Variants in TBK1 observed in about 807,000 individuals in gnomAD.
TBK1 encodes the protein serine/threonine-protein kinase TBK1.
TBK1 carries 37 observed loss-of-function variants against 99.9 expected under a neutral mutation model. The observed-to-expected ratio is 0.37, with a 90% CI of 0.28 to 0.49. TBK1 has a LOEUF of 0.49. Among genes scored for constraint, TBK1 ranks in the 20% least tolerant of loss-of-function variants. The pLI is 0.98. For synonymous variants in TBK1, 258 were observed against 279.8 expected, an observed-to-expected ratio of 0.92 and a Z score of 0.78; for missense variants, 644 against 872.5, an observed-to-expected ratio of 0.74 and a Z score of 3.30.
At chr12:64,462,962 G>C (rs779349561) in intron 3 of TBK1, among the ~76,000 whole-genome samples, 3 of 152,086 alleles carry the variant, frequency 2.0e-5, no homozygotes, top group African/African-American at 7.2e-5. Flanking sequence ...CAGCTGTTCT[G>C]CTACCCATTT....
Position 64,488,534 on chromosome 12 carries a change from A to T in TBK1, c.1388A>T (p.Glu463Val). 1 of 1,604,906 alleles carries T rather than the reference A, an allele frequency of 6.2e-7. No individual in the cohort carries two copies. The change falls in exon 12 of 21, where the codon GAA (glutamate) becomes GTA (valine). Residue 463 changes from glutamate to valine, a missense_variant. By Grantham distance (121) the Glu-to-Val change is moderately radical. Coordinates refer to ENST00000331710, the MANE Select transcript of TBK1 (RefSeq NM_013254.4). Reference protein sequence around the residue: ...DYNETVHKKTEVVITLDFCIR... With the variant: ...DYNETVHKKTVVVITLDFCIR... ...AATGAAACTGTTCACAAAAAGACAG[A>T]AGTTGTGATCACATTGGATTTCTGT...
intron 1 of TBK1, among the ~76,000 whole-genome samples, chr12:64,454,317 G>A (rs2040461081): frequency 2.0e-5 from 3 of 152,166 alleles, no homozygotes; most frequent in Admixed American, 6.5e-5. Flanking sequence ...TGCGATCTCA[G>A]CTCACTGCAA....
chr12:64,460,400 A>G, intron 3 of TBK1, 71 bp downstream of exon 3: 1 of 1,278,056 alleles, frequency 7.8e-7, no homozygotes, highest in Non-Finnish European at 1.0e-6. Flanking sequence ...ATATTAAAAA[A>G]TGGATTTTTT....
chr12:64,452,242 C>T (rs2040434080), intron 1 of TBK1, 55 bp downstream of exon 1: 1 of 152,066 alleles, frequency 6.6e-6, no homozygotes, highest in African/African-American at 2.4e-5. Context: ...CGCGGTCGGT[C>T]AGGCCTGCGC....
At chr12:64,480,762 C>T (rs1024009114) in intron 7 of TBK1, among the ~76,000 whole-genome samples, 1 of 152,108 alleles carries the variant, frequency 6.6e-6, no homozygotes, top group Non-Finnish European at 1.5e-5. Flanking sequence ...AGACATGCAT[C>T]GGTATTTAGT....
At chr12:64,482,604 G>C (rs539735335) in intron 8 of TBK1, among the ~76,000 whole-genome samples, 36 of 152,150 alleles carry the variant, frequency 2.4e-4, no homozygotes, top group African/African-American at 8.7e-4. Flanking sequence ...ATACAACACT[G>C]GTTCCGTAAG....
At chr12:64,465,228 A>G in intron 4 of TBK1, among the ~76,000 whole-genome samples, 1 of 138,282 alleles carries the variant, frequency 7.2e-6, no homozygotes, top group Non-Finnish European at 1.5e-5. Context: ...CTGGGCAACA[A>G]AGCAAGACTA....
intron 2 of TBK1, among the ~76,000 whole-genome samples, chr12:64,459,714 A>G (rs2040525858): frequency 6.6e-6 from 1 of 152,186 alleles, no homozygotes; most frequent in African/African-American, 2.4e-5. Context: ...CTGAAAAGTT[A>G]ACTGTATTAC....
At chr12:64,463,771 T>C (rs1271886947) in intron 3 of TBK1, among the ~76,000 whole-genome samples, 1 of 152,026 alleles carries the variant, frequency 6.6e-6, no homozygotes, top group Non-Finnish European at 1.5e-5. Context: ...AATGATTTTG[T>C]AGTTCAGATT....
At chr12:64,453,287 T>C (rs1237632456) in intron 1 of TBK1, among the ~76,000 whole-genome samples, 3 of 152,228 alleles carry the variant, frequency 2.0e-5, no homozygotes, top group Non-Finnish European at 4.4e-5. Flanking sequence ...AGCTGATAAA[T>C]ATTTTTCTTA....
chr12:64,462,098 G>C (rs1433150038), intron 3 of TBK1, among the ~76,000 whole-genome samples: 3 of 152,136 alleles, frequency 2.0e-5, no homozygotes, highest in African/African-American at 7.2e-5. Context: ...CCAGAAGTTT[G>C]GGGTAATTCC....
At chr12:64,463,147 G>A (rs374194036) in intron 3 of TBK1, among the ~76,000 whole-genome samples, 208 of 151,108 alleles carry the variant, frequency 1.4e-3, no homozygotes, top group African/African-American at 4.7e-3. Context: ...CGAGGTGGGC[G>A]GATCACGAGG....
intron 2 of TBK1, among the ~76,000 whole-genome samples, chr12:64,456,158 TAGTG>T (rs1460710563): frequency 6.6e-6 from 1 of 152,188 alleles, no homozygotes; most frequent in Non-Finnish European, 1.5e-5. Flanking sequence ...GGTTAAGTGT[TAGTG>T]AGTGGAGGAA....
chr12:64,465,275 C>G (rs1215398976), intron 4 of TBK1, among the ~76,000 whole-genome samples: 51 of 136,346 alleles, frequency 3.7e-4, no homozygotes, highest in African/African-American at 1.4e-3. Context: ...CAAGTGTTGG[C>G]AAGAATATGG....
chr12:64,478,018 A>G (rs927663149), intron 6 of TBK1, among the ~76,000 whole-genome samples: 1 of 152,264 alleles, frequency 6.6e-6, no homozygotes, highest in Non-Finnish European at 1.5e-5. Flanking sequence ...GACCACATAC[A>G]CATAAAACTA....
intron 1 of TBK1, among the ~76,000 whole-genome samples, chr12:64,453,489 A>G (rs2040451362): frequency 1.3e-5 from 2 of 152,186 alleles, no homozygotes; most frequent in South Asian, 4.1e-4. Context: ...TATTTCCTAT[A>G]GTCGTATATA....
In TBK1 at chr12:64,497,950, G is replaced by C. The variant is rs746688818; in HGVS notation, c.2067-18G>C. On this transcript the variant is annotated intron_variant, in intron 19 of 20. Transcript: ENST00000331710. Reference sequence around the variant, plus strand: ...TTGCATACTGTTTTTGAGCAAAGGTGCTTGTTTATTTTATTAGTATGAAGA... The same window carrying C: ...TTGCATACTGTTTTTGAGCAAAGGTCCTTGTTTATTTTATTAGTATGAAGA... 9.4e-6 allele frequency: 15 copies of C among 1,602,654 alleles called. No homozygotes were observed. The highest frequency in any genetic ancestry group is 3.4e-5 in the Admixed American group (2 of 58,260).
At chr12:64,499,976 G>A (rs908224384) in intron 20 of TBK1, among the ~76,000 whole-genome samples, 15 of 151,938 alleles carry the variant, frequency 9.9e-5, no homozygotes, top group Admixed American at 4.6e-4. Context: ...GACTACAGGC[G>A]TGAGCCACCG....
intron 4 of TBK1, among the ~76,000 whole-genome samples, chr12:64,465,989 C>A (rs932750573): frequency 2.0e-5 from 3 of 151,950 alleles, no homozygotes; most frequent in African/African-American, 7.3e-5. Flanking sequence ...AGAAATGAAT[C>A]AAATATTTGA....
Sources: gnomAD v4.1 joint callset for allele counts (sites outside exome capture counted in the v4.1 genomes callset) on GRCh38, gnomAD v4.1.1 for gene constraint, MANE v1.5 for transcripts, NCBI Gene and HGNC (gene_info 2026-07-23, HGNC 2026-07-21) for gene names.